RGS6: variants seen among roughly 807,000 people sequenced by gnomAD.
RGS6 encodes regulator of G protein signaling 6.
A neutral mutation model predicts 78.5 loss-of-function variants in RGS6; 30 were observed. The observed-to-expected ratio is 0.38, with a 90% confidence interval of 0.29 to 0.52. The LOEUF (loss-of-function observed/expected upper bound fraction) is 0.52, where lower values mean the gene tolerates loss of function less well. Ranked by LOEUF, RGS6 falls within the 20% of genes least tolerant of loss-of-function variation. The pLI, the probability that RGS6 is intolerant of heterozygous loss-of-function variation, is 0.85. For missense variants in RGS6, 495 were observed against 609.7 expected, an observed-to-expected ratio of 0.81 and a Z score of 1.98; for synonymous variants, 206 against 206.0, an observed-to-expected ratio of 1.00 and a Z score of 0.00.
At chr14:72,277,752 A>T (rs1246398629) in intron 2 of RGS6, among the ~76,000 whole-genome samples, 1 of 151,716 alleles carries the variant, frequency 6.6e-6, no homozygotes, top group Non-Finnish European at 1.5e-5. Flanking sequence ...ACATGGTGAA[A>T]CCCCGTCTCT....
chr14:72,041,083 G>C (rs1188968680), intron 2 of RGS6, among the ~76,000 whole-genome samples: 4 of 152,044 alleles, frequency 2.6e-5, no homozygotes. Flanking sequence ...CTGTTTTTCT[G>C]ATCTGCTTTT....
At chr14:72,553,039 G>A (rs991036707) in intron 17 of RGS6, among the ~76,000 whole-genome samples, 1 of 152,224 alleles carries the variant, frequency 6.6e-6, no homozygotes, top group Admixed American at 6.5e-5. Flanking sequence ...CGCATGCACT[G>A]GTGTATGCAC....
At chr14:72,341,232 A>C (rs1367311941) in intron 2 of RGS6, among the ~76,000 whole-genome samples, 1 of 152,334 alleles carries the variant, frequency 6.6e-6, no homozygotes, top group South Asian at 2.1e-4. Context: ...CATGTCTTAC[A>C]TATCTGCAGA....
At chr14:71,886,736 G>T in the RGS6 span, among the ~76,000 whole-genome samples, 1 of 152,198 alleles carries the variant, frequency 6.6e-6, no homozygotes, top group East Asian at 1.9e-4. Flanking sequence ...AGGCTGCTAG[G>T]TATATCTTGA....
chr14:72,461,471 TA>T (rs1356418076), intron 6 of RGS6, among the ~76,000 whole-genome samples: 2 of 152,208 alleles, frequency 1.3e-5, no homozygotes, highest in Non-Finnish European at 2.9e-5. Flanking sequence ...AAAATTATTT[TA>T]AATTCCTGTG....
intron 2 of RGS6, among the ~76,000 whole-genome samples, chr14:72,337,238 C>A (rs2076195904): frequency 6.6e-6 from 1 of 151,228 alleles, no homozygotes; most frequent in African/African-American, 2.4e-5. Context: ...CCCCATCACC[C>A]ATTTCAACCT....
the RGS6 span, among the ~76,000 whole-genome samples, chr14:71,896,986 A>G: frequency 1.3e-5 from 2 of 152,158 alleles, no homozygotes; most frequent in African/African-American, 4.8e-5. Context: ...GCTTGCTACC[A>G]TCTCTCTACT....
At chr14:72,088,741 G>A (rs879402035) in intron 2 of RGS6, among the ~76,000 whole-genome samples, 2 of 152,142 alleles carry the variant, frequency 1.3e-5, no homozygotes, top group Non-Finnish European at 2.9e-5. Context: ...TTATCCTGCA[G>A]TAGGGGGCTC....
chr14:72,461,961 TGGTATCACTACTGGGGTGGGGTC>T (rs2095793615), intron 6 of RGS6, among the ~76,000 whole-genome samples: 1 of 152,168 alleles, frequency 6.6e-6, no homozygotes, highest in Non-Finnish European at 1.5e-5. Context: ...GAGTGGTGGT[TGGTATCACTACTGGGGTGGGGTC>T]GGTATTATTG....
In RGS6 at chr14:71,976,378, A is replaced by C. The variant is rs1386759471; in HGVS notation, c.84+11503A>C. ...TGCACCCACTAACTCGTCATCTAGCATTAGGTATATCTCCCAATGCTATCC... is the reference window on the plus strand; with the variant it reads ...TGCACCCACTAACTCGTCATCTAGCCTTAGGTATATCTCCCAATGCTATCC... On this transcript the variant is annotated intron_variant, in intron 2 of 17. Coordinates refer to ENST00000553525, the MANE Select transcript of RGS6 (RefSeq NM_001204424.2). Among the ~76,000 whole-genome samples, 3 of 150,924 alleles carry C rather than the reference A, an allele frequency of 2.0e-5. No homozygotes were observed. The East Asian group carries it at 5.9e-4, about 30-fold the overall frequency.
intron 7 of RGS6, among the ~76,000 whole-genome samples, chr14:72,467,939 C>G (rs1297242900): frequency 2.6e-5 from 4 of 152,154 alleles, no homozygotes; most frequent in African/African-American, 7.2e-5. Flanking sequence ...AAGGCCCAGA[C>G]AGTAGAAGCC....
the RGS6 span, among the ~76,000 whole-genome samples, chr14:71,920,010 A>T: frequency 2.6e-5 from 4 of 152,166 alleles, no homozygotes; most frequent in African/African-American, 9.7e-5. Flanking sequence ...ATAAAATAAA[A>T]TAAAATAAAG....
At chr14:72,467,233 TC>T (rs1301935381) in intron 7 of RGS6, among the ~76,000 whole-genome samples, 1 of 152,110 alleles carries the variant, frequency 6.6e-6, no homozygotes, top group Non-Finnish European at 1.5e-5. Context: ...ACCTTCTACT[TC>T]CCTCTCCCTA....
intron 3 of RGS6, among the ~76,000 whole-genome samples, chr14:72,447,220 T>C (rs534212907): frequency 6.6e-6 from 1 of 152,092 alleles, no homozygotes; most frequent in Non-Finnish European, 1.5e-5. Context: ...ACCAGAAAGA[T>C]GTTTACTCCA....
intron 12 of RGS6, among the ~76,000 whole-genome samples, chr14:72,480,559 C>T (rs191581446): frequency 5.9e-5 from 9 of 152,174 alleles, no homozygotes; most frequent in Admixed American, 1.3e-4. Flanking sequence ...CTTTTCAATG[C>T]GACACGAGGG....
intron 2 of RGS6, among the ~76,000 whole-genome samples, chr14:72,156,238 A>T (rs1184896209): frequency 6.6e-6 from 1 of 152,070 alleles, no homozygotes; most frequent in East Asian, 1.9e-4. Context: ...TGAGGTCAAG[A>T]GTTCGAGAAC....
At chr14:72,551,898 T>G (rs879928299) in intron 17 of RGS6, among the ~76,000 whole-genome samples, 1 of 152,260 alleles carries the variant, frequency 6.6e-6, no homozygotes, top group Non-Finnish European at 1.5e-5. Context: ...CTCAGTTTCC[T>G]CATCCATAAA....
At chr14:72,185,697 C>A (rs559366822) in intron 2 of RGS6, among the ~76,000 whole-genome samples, 2 of 152,272 alleles carry the variant, frequency 1.3e-5, no homozygotes, top group Admixed American at 6.5e-5. Context: ...GTAATCCCAA[C>A]ACTTTGGGAG....
At chr14:72,135,836 AG>A (rs1203871249) in intron 2 of RGS6, among the ~76,000 whole-genome samples, 1 of 152,022 alleles carries the variant, frequency 6.6e-6, no homozygotes, top group Non-Finnish European at 1.5e-5. Flanking sequence ...TTAAGTGTTT[AG>A]GCTTAAATCT....
Sources: allele counts gnomAD v4.1 joint callset (sites outside exome capture counted in the v4.1 genomes callset), GRCh38; gene constraint gnomAD v4.1.1; transcripts MANE v1.5; gene names NCBI Gene and HGNC (gene_info 2026-07-23, HGNC 2026-07-21).